MTMR3: variants seen among roughly 807,000 people sequenced by gnomAD.
MTMR3 encodes the protein myotubularin related protein 3.
A neutral mutation model predicts 132.4 loss-of-function variants in MTMR3; 32 were observed. The observed-to-expected ratio is 0.24, with a 90% CI of 0.18 to 0.32. The LOEUF is 0.32. Ranked by LOEUF, MTMR3 falls within the 10% of genes least tolerant of loss-of-function variation. MTMR3 has a pLI of 1.00. For synonymous variants in MTMR3, 556 were observed against 550.3 expected (o/e 1.01, Z -0.14); for missense variants, 1,216 against 1,489.6 (o/e 0.82, Z 3.02).
At chr22:29,889,858 GA>G (rs2064758675) in intron 1 of MTMR3, among the ~76,000 whole-genome samples, 1 of 150,408 alleles carries the variant, frequency 6.6e-6, no homozygotes, top group African/African-American at 2.4e-5. Flanking sequence ...TTTGGACATT[GA>G]ATTGCATTGA....
chr22:30,025,348 T>C (rs925879881), intron 19 of MTMR3: 3 of 460,738 alleles, frequency 6.5e-6, no homozygotes, highest in Non-Finnish European at 1.2e-5. Context: ...TACAGATCTC[T>C]CTTGAGCAGC....
chr22:29,902,356 A>ACTTT (rs2065016685), intron 1 of MTMR3, among the ~76,000 whole-genome samples: 1 of 150,968 alleles, frequency 6.6e-6, no homozygotes. Context: ...TCAATCATTG[A>ACTTT]CTTTTTTGTT....
At chr22:29,972,986 C>A (rs962267109) in intron 3 of MTMR3, among the ~76,000 whole-genome samples, 14 of 152,178 alleles carry the variant, frequency 9.2e-5, no homozygotes, top group Non-Finnish European at 2.1e-4. Flanking sequence ...AACATTCTCC[C>A]ATGTTGATTC....
At chr22:29,896,739 A>G (rs1602422120) in intron 1 of MTMR3, among the ~76,000 whole-genome samples, 1 of 152,320 alleles carries the variant, frequency 6.6e-6, no homozygotes, top group South Asian at 2.1e-4. Flanking sequence ...ATAACCATTT[A>G]TTTAAGAGTG....
intron 1 of MTMR3, among the ~76,000 whole-genome samples, chr22:29,933,433 T>C (rs915030125): frequency 2.6e-5 from 4 of 152,140 alleles, no homozygotes; most frequent in East Asian, 3.8e-4. Flanking sequence ...TGGCAAAATA[T>C]TTCTCGTGCT....
rs1602470258 is a variant in MTMR3 at position 29,917,972 on chromosome 22, G to A, written c.-138+34613G>A. Among the ~76,000 whole-genome samples the A allele has an allele frequency of 2.0e-5, 3 of 152,328 alleles. 1 individual carries two copies. The South Asian group carries it at 6.2e-4, about 32-fold the overall frequency. ...CTGTCAAGGGATTACTTGATACAGA[G>A]AAGTTGCTAATTTATTTTGAAATTG... On this transcript the variant is annotated intron_variant, in intron 1 of 19. Coordinates refer to ENST00000401950, the MANE Select transcript of MTMR3 (RefSeq NM_021090.4).
chr22:29,925,694 T>G (rs2065502339), intron 1 of MTMR3, among the ~76,000 whole-genome samples: 1 of 151,934 alleles, frequency 6.6e-6, no homozygotes, highest in Admixed American at 6.6e-5. Context: ...GATGGGTGGA[T>G]CACTTGAGAC....
chr22:29,925,590 A>G (rs894530841), intron 1 of MTMR3, among the ~76,000 whole-genome samples: 1 of 151,486 alleles, frequency 6.6e-6, no homozygotes, highest in African/African-American at 2.4e-5. Context: ...GTTGAGCTGT[A>G]ATTCATAGGC....
chr22:29,992,791 CA>C (rs1188264395), intron 7 of MTMR3: 3 of 152,176 alleles, frequency 2.0e-5, no homozygotes, highest in African/African-American at 7.2e-5. Flanking sequence ...TCTCTGGCCC[CA>C]TGACTAATTG....
chr22:29,913,322 A>G (rs1007761029), intron 1 of MTMR3, among the ~76,000 whole-genome samples: 20 of 152,198 alleles, frequency 1.3e-4, no homozygotes, highest in Non-Finnish European at 2.6e-4. Flanking sequence ...TTCCAAGTTT[A>G]TATTTACAGT....
chr22:30,016,664 T>C lies in MTMR3; in HGVS notation c.1640T>C (p.Phe547Ser). 6.2e-7 allele frequency: 1 copy of C among 1,614,008 alleles called. No individual in the cohort carries two copies. The highest frequency in any genetic ancestry group is 8.5e-7 in the Non-Finnish European group (1 of 1,179,958). Residue 547 changes from phenylalanine (F) to serine (S), a missense_variant, in exon 15 of 20, where the codon TTC (phenylalanine) becomes TCC (serine). This residue lies in a region of MTMR3 where 852 missense variants were observed against 852.0 expected (regional missense o/e 1.00). Coordinates refer to ENST00000401950, the MANE Select transcript of MTMR3 (RefSeq NM_021090.4). ...WSLLRAGNKAFKNLLYSSQSE... is the reference protein window; with the variant it reads ...WSLLRAGNKASKNLLYSSQSE... ...CTTCTTCGGGCAGGCAACAAGGCTT[T>C]CAAAAACCTACTGTATTCCTCTCAG...
In MTMR3 at chr22:29,970,960, T is replaced by TG; in HGVS notation, c.-84-16_-84-15insG. 9 of 529,950 alleles carry TG rather than the reference T, an allele frequency of 1.7e-5. No homozygotes were observed. The highest frequency in any genetic ancestry group is 2.7e-5 in the Non-Finnish European group (9 of 336,554). 32.8% of individuals were successfully genotyped at this position (529,950 alleles called of 1,614,324 possible). ...CTTTTTTTTTTCTTCTTCCCCCTCTTCCCCCCCACCCCCAGACTTCACCAT... is the reference window on the plus strand; with the variant it reads ...CTTTTTTTTTTCTTCTTCCCCCTCTTGCCCCCCCACCCCCAGACTTCACCAT... On this transcript the variant is annotated splice_polypyrimidine_tract_variant and intron_variant, in intron 2 of 19. Coordinates refer to ENST00000401950, the MANE Select transcript of MTMR3 (RefSeq NM_021090.4).
intron 6 of MTMR3, chr22:29,988,810 AAG>A (rs1393832498): frequency 3.9e-6 from 1 of 257,306 alleles, no homozygotes; most frequent in African/African-American, 2.2e-5. Flanking sequence ...AAATACTAAA[AAG>A]AACATCAGTA....
intron 1 of MTMR3, among the ~76,000 whole-genome samples, chr22:29,947,512 A>C (rs2065976343): frequency 6.6e-6 from 1 of 151,576 alleles, no homozygotes; most frequent in African/African-American, 2.4e-5. Context: ...TAAAAAAAAA[A>C]AACAAAAAAC....
At chr22:29,978,249 G>A in intron 3 of MTMR3, 193 bp from the exon 4 acceptor site, 1 of 427,112 alleles carries the variant, frequency 2.3e-6, no homozygotes, top group Non-Finnish European at 4.4e-6. Flanking sequence ...GCATCAATGT[G>A]TTTTCAGACT....
At chr22:29,904,625 T>C (rs2065061319) in intron 1 of MTMR3, among the ~76,000 whole-genome samples, 1 of 152,260 alleles carries the variant, frequency 6.6e-6, no homozygotes. Context: ...TATTTGCTAA[T>C]TGTGGTTGTT....
intron 11 of MTMR3, chr22:30,008,271 GATA>G (rs2145938395): frequency 2.3e-6 from 1 of 427,092 alleles, no homozygotes; most frequent in African/African-American, 2.0e-5. Context: ...ACTTGTAGGT[GATA>G]AGGAAAGCAG....
At chr22:29,968,722 C>T (rs1262128243) in intron 2 of MTMR3, among the ~76,000 whole-genome samples, 2 of 152,186 alleles carry the variant, frequency 1.3e-5, no homozygotes, top group South Asian at 2.1e-4. Flanking sequence ...TTTCTGTTCA[C>T]AGTGGTGTCC....
At position 29,971,005 on chromosome 22, in the gene MTMR3, T is replaced by C; in HGVS notation, c.-55T>C. 1 of 1,426,966 alleles carries C rather than the reference T, an allele frequency of 7.0e-7. No individual in the cohort carries two copies. The highest frequency in any genetic ancestry group is 3.0e-5 in the East Asian group (1 of 33,108). The allele number at this position is 1,426,966 out of a possible 1,614,324, so 88.4% of individuals were successfully genotyped here. On this transcript the variant is annotated 5_prime_UTR_variant, in exon 3 of 20. Coordinates refer to ENST00000401950, the MANE Select transcript of MTMR3 (RefSeq NM_021090.4). ...CACCATAAGGGAAAGAAGAGAGCCT[T>C]GTTGGACACTGAAGAAGGGACGGGG...
Sources: gnomAD v4.1 joint callset for allele counts (sites outside exome capture counted in the v4.1 genomes callset) on GRCh38, gnomAD v4.1.1 for gene constraint, gnomAD v4.1.1 regional missense constraint, MANE v1.5 for transcripts, NCBI Gene and HGNC (gene_info 2026-07-23, HGNC 2026-07-21) for gene names.